OGA: variants seen among roughly 807,000 people sequenced by gnomAD.
OGA encodes the protein protein O-GlcNAcase.
Under a neutral mutation model 102.0 loss-of-function variants are expected in OGA, and 21 were observed. That is an observed-to-expected ratio of 0.21 (90% CI 0.15 to 0.30). The LOEUF is 0.30. OGA is among the 10% of genes least tolerant of loss of function. The probability of loss-of-function intolerance (pLI) is 1.00; values close to 1 mark genes in which losing one functional copy is unlikely to be tolerated. For synonymous variants in OGA, 408 were observed against 378.2 expected, an observed-to-expected ratio of 1.08 and a Z score of -0.91; for missense variants, 765 against 1,107.8, an observed-to-expected ratio of 0.69 and a Z score of 4.39.
chr10:101,785,765 G>C lies in OGA; in HGVS notation c.*686C>G, dbSNP rs1478311535. 1 of 152,432 alleles carries C rather than the reference G, an allele frequency of 6.6e-6. No homozygotes were observed. Among genetic ancestry groups the C allele is most frequent in the African/African-American group, 2.4e-5 (1 of 41,428 alleles). The allele number at this position is 152,432 out of a possible 1,614,324, so 9.4% of individuals were successfully genotyped here. On this transcript the variant is annotated 3_prime_UTR_variant, in exon 16 of 16. Transcript: ENST00000361464. Reference sequence around the variant, plus strand: ...AAACAGTAAACACAAAGGATAGTCAGGTTACAGCTAGTTTATATACAAAGA... The same window carrying C: ...AAACAGTAAACACAAAGGATAGTCACGTTACAGCTAGTTTATATACAAAGA...
chr10:101,817,887 C>G lies in OGA; in HGVS notation c.136G>C (p.Gly46Arg), dbSNP rs578070762. The G allele has an allele frequency of 2.1e-5, 32 of 1,557,508 alleles. No homozygotes were observed. In the East Asian group the frequency reaches 3.8e-4, roughly 19 times the overall value. Residue 46 changes from glycine (G) to arginine (R), a missense_variant, in exon 1 of 16, where the codon GGG becomes CGG. Around this residue, in one of 7 missense-constraint regions of OGA, gnomAD observed 117 missense variants for 85.7 expected, o/e 1.36. Transcript: ENST00000361464. ...GCAGCCCCGGCCACCGCCGCTCCCC[C>G]AGCCCCGGCGGGGTTGTCTTCTCCG... ...APGEDNPAGA[G>R]GAAVAGAAGG...
chr10:101,801,266 C>T (rs899564824), intron 7 of OGA, among the ~76,000 whole-genome samples: 7 of 151,980 alleles, frequency 4.6e-5, no homozygotes, highest in Non-Finnish European at 5.9e-5. Context: ...GTGGCAGGCA[C>T]CTGTAATCCC....
At chr10:101,809,714 A>G (rs1451703417) in intron 4 of OGA, among the ~76,000 whole-genome samples, 6 of 150,430 alleles carry the variant, frequency 4.0e-5, no homozygotes, top group Non-Finnish European at 7.4e-5. Flanking sequence ...TCAAAAAAAA[A>G]AAAAAAGAAA....
chr10:101,802,100 G>A (rs777000495), intron 7 of OGA, among the ~76,000 whole-genome samples: 15 of 151,998 alleles, frequency 9.9e-5, no homozygotes, highest in Non-Finnish European at 1.9e-4. Flanking sequence ...AGCCAAGATC[G>A]CGCCACTGCA....
chr10:101,791,930 A>T (rs2135033707), intron 12 of OGA, among the ~76,000 whole-genome samples: 2 of 151,896 alleles, frequency 1.3e-5, no homozygotes, highest in Admixed American at 1.3e-4. Flanking sequence ...AGGCTCAAGT[A>T]ATTCTCCGGC....
At chr10:101,804,082 T>C (rs1018978581) in intron 6 of OGA, 63 bp from the exon 7 acceptor site, 4 of 1,460,528 alleles carry the variant, frequency 2.7e-6, no homozygotes, top group Non-Finnish European at 2.8e-6. Context: ...CATTGGCTCA[T>C]AACTGTAATC....
Position 101,817,814 on chromosome 10 carries a change from G to T in OGA, c.199+10C>A. The T allele has an allele frequency of 6.5e-7, 1 of 1,536,898 alleles. No individual in the cohort carries two copies. Among genetic ancestry groups the T allele is most frequent in the Non-Finnish European group, 8.7e-7 (1 of 1,146,326 alleles). ...TAGTGCCAAAACGGGGAGGGAAGGA[G>T]GGCGCTCACCTTCCACCACACCGCA... On this transcript the variant is annotated intron_variant, in intron 1 of 15. Coordinates refer to ENST00000361464, the MANE Select transcript of OGA (RefSeq NM_012215.5).
In OGA at chr10:101,787,488, T is replaced by C; in HGVS notation, c.2490A>G (p.Val830=). The C allele has an allele frequency of 6.2e-7, 1 of 1,613,482 alleles. No homozygotes were observed. The highest frequency in any genetic ancestry group is 1.3e-5 in the African/African-American group (1 of 75,056). The change falls in exon 15 of 16, where the codon GTA becomes GTG. Residue 830 remains valine, a synonymous_variant. Transcript: ENST00000361464. The stretch of plus-strand genomic sequence containing the variant: ...AATTAGCAAGGAAAGTTTCTGGCAG[T>C]ACTTCCTGTTCTTCATGGAAACTCA... ...IMLSFHEEQE[V]LPETFLANFP...
At chr10:101,792,796 C>T (rs2065274200) in intron 12 of OGA, 43 bp downstream of exon 12, 2 of 1,386,250 alleles carry the variant, frequency 1.4e-6, no homozygotes, top group South Asian at 2.3e-5. Context: ...TTTAAGTGTG[C>T]ACCATACCCA....
chr10:101,789,168 TG>T (rs1441374895), intron 14 of OGA, among the ~76,000 whole-genome samples: 7 of 152,312 alleles, frequency 4.6e-5, no homozygotes, highest in African/African-American at 1.4e-4. Context: ...CACAGCCATG[TG>T]ACTAAGGGCA....
chr10:101,800,137 T>G, intron 8 of OGA, 105 bp downstream of exon 8: 1 of 1,268,626 alleles, frequency 7.9e-7, no homozygotes, highest in African/African-American at 1.5e-5. Context: ...CCTCCCAAAG[T>G]GCTGAGATTA....
chr10:101,801,954 G>C (rs2065398429), intron 7 of OGA, among the ~76,000 whole-genome samples: 1 of 152,098 alleles, frequency 6.6e-6, no homozygotes, highest in South Asian at 2.1e-4. Context: ...AGACCAGCCT[G>C]ACCAACATGG....
At position 101,818,011 on chromosome 10, in the gene OGA, C is replaced by T. The variant is rs779073732; in HGVS notation, c.12G>A (p.Lys4=). Residue 4 remains lysine, a synonymous_variant, in exon 1 of 16, where the codon AAG becomes AAA. Transcript: ENST00000361464. ...GCTCCTCCAACGTCGCTTGACTCTCCTTCTGCACCATCCTCCTGCCCCCGG... is the reference window on the plus strand; with the variant it reads ...GCTCCTCCAACGTCGCTTGACTCTCTTTCTGCACCATCCTCCTGCCCCCGG... MVQ[K]ESQATLEERE... 1.0e-5 allele frequency: 16 copies of T among 1,592,066 alleles called. No homozygotes were observed. The Admixed American group carries it at 1.0e-4, about 10-fold the overall frequency.
At chr10:101,798,434 C>A (rs747324454) in intron 9 of OGA, among the ~76,000 whole-genome samples, 18 of 130,082 alleles carry the variant, frequency 1.4e-4, no homozygotes, top group Non-Finnish European at 2.4e-4. Context: ...TTTTTTGAGA[C>A]AGTTTCCCTC....
chr10:101,789,709 C>T (rs188520237), intron 14 of OGA, among the ~76,000 whole-genome samples: 4 of 152,210 alleles, frequency 2.6e-5, no homozygotes, highest in Admixed American at 6.5e-5. Flanking sequence ...CACAGTGGCT[C>T]GTGCTTGTAA....
Position 101,799,244 on chromosome 10 carries a change from C to T in OGA, c.1407G>A (p.Val469=), listed in dbSNP as rs2065358714. The T allele has an allele frequency of 1.2e-6, 2 of 1,614,128 alleles. No homozygotes were observed. Among genetic ancestry groups the T allele is most frequent in the African/African-American group, 1.3e-5 (1 of 75,020 alleles). ...TGTGGTCCGTTTCTTCTTGTTTTTC[C>T]ACCACCATGTCCATGGGTTCTTCAT... ...QPDEEPMDMV[V]EKQEETDHKN... is the part of the protein sequence containing the mutation. The change falls in exon 9 of 16, where the codon GTG becomes GTA. Residue 469 remains valine, a synonymous_variant. Transcript: ENST00000361464.
intron 3 of OGA, among the ~76,000 whole-genome samples, chr10:101,811,332 T>C (rs2065552438): frequency 7.2e-6 from 1 of 138,224 alleles, no homozygotes; most frequent in Non-Finnish European, 1.5e-5. Context: ...GAGGTTGCAG[T>C]GAGCCAAGAT....
At chr10:101,809,753 T>C (rs1042183890) in intron 4 of OGA, among the ~76,000 whole-genome samples, 1 of 148,622 alleles carries the variant, frequency 6.7e-6, no homozygotes, top group Non-Finnish European at 1.5e-5. Context: ...AAAAAAATTC[T>C]TATAGAAACA....
intron 10 of OGA, chr10:101,797,332 A>C (rs1375302118): frequency 6.6e-6 from 1 of 152,058 alleles, no homozygotes; most frequent in Non-Finnish European, 1.5e-5. Flanking sequence ...ACCAAGTTTG[A>C]CAATTTAAAA....
Sources: gnomAD v4.1 joint callset for allele counts (sites outside exome capture counted in the v4.1 genomes callset) on GRCh38, gnomAD v4.1.1 for gene constraint, gnomAD v4.1.1 regional missense constraint, MANE v1.5 for transcripts, NCBI Gene and HGNC (gene_info 2026-07-23, HGNC 2026-07-21) for gene names.